ATXN7L1: variants seen among roughly 807,000 people sequenced by gnomAD.
The protein encoded by ATXN7L1 is ataxin 7 like 1, also known as ataxin-7-like protein 1.
In ATXN7L1, 15 loss-of-function variants were observed where a neutral mutation model predicts 70.8. The ratio of observed to expected loss-of-function variants is 0.21; its 90% CI spans 0.14 to 0.33. ATXN7L1 has a LOEUF of 0.33. Ranked by LOEUF, ATXN7L1 falls within the 10% of genes least tolerant of loss-of-function variation. The pLI is 1.00. For synonymous variants in ATXN7L1, 440 were observed against 445.1 expected (o/e 0.99, Z 0.14); for missense variants, 975 against 1,097.1 (o/e 0.89, Z 1.57).
chr7:105,641,725 C>T (rs1798289813), intron 5 of ATXN7L1, among the ~76,000 whole-genome samples: 2 of 152,260 alleles, frequency 1.3e-5, no homozygotes, highest in Admixed American at 1.3e-4. Flanking sequence ...GTGAGGCCCA[C>T]AGTGCTTAGG....
At chr7:105,611,905 C>T (rs1034453755) in intron 10 of ATXN7L1, among the ~76,000 whole-genome samples, 18 of 152,248 alleles carry the variant, frequency 1.2e-4, no homozygotes, top group Admixed American at 2.0e-4. Context: ...AAAGCCTTTT[C>T]TTAATGCCCT....
At chr7:105,837,017 T>C (rs1812484771) in intron 2 of ATXN7L1, among the ~76,000 whole-genome samples, 1 of 152,144 alleles carries the variant, frequency 6.6e-6, no homozygotes, top group South Asian at 2.1e-4. Flanking sequence ...ATTGCTCGGC[T>C]TCTGGGGAGG....
chr7:105,695,476 CTT>C (rs1333894032), intron 3 of ATXN7L1, among the ~76,000 whole-genome samples: 2 of 152,180 alleles, frequency 1.3e-5, no homozygotes, highest in African/African-American at 2.4e-5. Context: ...AAACAATCGT[CTT>C]GATCCAGTTT....
At chr7:105,866,761 A>C (rs1038853033) in intron 2 of ATXN7L1, among the ~76,000 whole-genome samples, 1 of 152,224 alleles carries the variant, frequency 6.6e-6, no homozygotes, top group Non-Finnish European at 1.5e-5. Flanking sequence ...AATATTCTGA[A>C]AAAGTAGAAC....
chr7:105,864,961 A>T (rs1817188940), intron 2 of ATXN7L1, among the ~76,000 whole-genome samples: 1 of 152,190 alleles, frequency 6.6e-6, no homozygotes. Flanking sequence ...AACTAACAGT[A>T]CAGGGACACC....
chr7:105,613,731 C>T, intron 10 of ATXN7L1, 131 bp downstream of exon 10: 1 of 1,517,000 alleles, frequency 6.6e-7, no homozygotes, highest in Non-Finnish European at 8.8e-7. Context: ...AGGGTGAAAA[C>T]TGCCTTCGGG....
At chr7:105,705,706 G>A (rs1185005459) in intron 3 of ATXN7L1, among the ~76,000 whole-genome samples, 2 of 152,090 alleles carry the variant, frequency 1.3e-5, no homozygotes, top group East Asian at 3.9e-4. Flanking sequence ...TCTTTCTCTG[G>A]AATCCTGGTC....
intron 3 of ATXN7L1, among the ~76,000 whole-genome samples, chr7:105,694,065 T>A (rs967822917): frequency 2.8e-4 from 42 of 150,544 alleles, no homozygotes; most frequent in Non-Finnish European, 5.0e-4. Flanking sequence ...TTTTTTTTTT[T>A]AAGGCAGAGT....
chr7:105,829,840 G>A (rs950836897), intron 2 of ATXN7L1, among the ~76,000 whole-genome samples: 8 of 152,198 alleles, frequency 5.3e-5, no homozygotes, highest in Non-Finnish European at 8.8e-5. Context: ...GACCTTACAG[G>A]GACCTTCTCT....
intron 5 of ATXN7L1, among the ~76,000 whole-genome samples, chr7:105,641,476 G>A (rs986283949): frequency 2.6e-5 from 4 of 152,080 alleles, no homozygotes; most frequent in Admixed American, 2.6e-4. Context: ...AAGACCCGAC[G>A]AAACAAGACA....
intron 2 of ATXN7L1, among the ~76,000 whole-genome samples, chr7:105,847,776 C>T (rs531066353): frequency 6.6e-6 from 1 of 152,164 alleles, no homozygotes; most frequent in South Asian, 2.1e-4. Context: ...ATGAAAAGTG[C>T]CTGGCATATA....
At chr7:105,777,452 T>C (rs372518084) in intron 3 of ATXN7L1, among the ~76,000 whole-genome samples, 4 of 152,238 alleles carry the variant, frequency 2.6e-5, no homozygotes, top group South Asian at 2.1e-4. Flanking sequence ...GCATTTGACA[T>C]GATCTATGAA....
chr7:105,608,526 G>A (rs939738826), intron 11 of ATXN7L1, among the ~76,000 whole-genome samples: 6 of 152,122 alleles, frequency 3.9e-5, no homozygotes, highest in African/African-American at 1.4e-4. Context: ...CCCAGCAGGT[G>A]TACCCGGAGC....
chr7:105,856,343 T>C (rs1231976143), intron 2 of ATXN7L1, among the ~76,000 whole-genome samples: 2 of 152,206 alleles, frequency 1.3e-5, no homozygotes, highest in Non-Finnish European at 2.9e-5. Context: ...CCCAGCACTT[T>C]GGGAGGCTGA....
At chr7:105,824,926 AAAAAAAAACAAAAAAAT>A (rs1487438617) in intron 2 of ATXN7L1, among the ~76,000 whole-genome samples, 4 of 151,660 alleles carry the variant, frequency 2.6e-5, no homozygotes, top group Non-Finnish European at 4.4e-5. Context: ...CGTCTCAAAA[AAAAAAAAACAAAAAAAT>A]AAAAAAAACA....
At chr7:105,765,057 G>A (rs550250460) in intron 3 of ATXN7L1, among the ~76,000 whole-genome samples, 5 of 152,198 alleles carry the variant, frequency 3.3e-5, no homozygotes, top group Middle Eastern at 3.4e-3. Context: ...AGTCTAGGCC[G>A]GGCGTGGTGG....
chr7:105,687,829 G>A (rs680558), intron 3 of ATXN7L1, among the ~76,000 whole-genome samples: 2,745 of 152,152 alleles, frequency 0.018, 92 homozygotes, highest in African/African-American at 0.063. Context: ...TCAGCTACCC[G>A]CAGAAGAGCA....
At chr7:105,808,252 G>T (rs1253872327) in intron 2 of ATXN7L1, among the ~76,000 whole-genome samples, 1 of 152,222 alleles carries the variant, frequency 6.6e-6, no homozygotes, top group African/African-American at 2.4e-5. Flanking sequence ...TTTTTCCACT[G>T]ATGTGAAAGG....
chr7:105,660,576 C>CGTTTT (rs1801438174), intron 4 of ATXN7L1, among the ~76,000 whole-genome samples: 1 of 78,140 alleles, frequency 1.3e-5, no homozygotes, highest in African/African-American at 5.3e-5. Flanking sequence ...CGGAAGTGAC[C>CGTTTT]TTTTTTTTTT....
Sources: gnomAD v4.1 joint callset for allele counts (sites outside exome capture counted in the v4.1 genomes callset) on GRCh38, gnomAD v4.1.1 for gene constraint, MANE v1.5 for transcripts, NCBI Gene and HGNC (gene_info 2026-07-23, HGNC 2026-07-21) for gene names.